PPFIA2: variants seen among roughly 807,000 people sequenced by gnomAD.
PPFIA2 encodes PPFI scaffold protein A2.
Under a neutral mutation model 175.5 loss-of-function variants are expected in PPFIA2, and 46 were observed. The ratio of observed to expected loss-of-function variants is 0.26; its 90% CI spans 0.21 to 0.34. The LOEUF (loss-of-function observed/expected upper bound fraction) is 0.34, where lower values mean the gene tolerates loss of function less well. Among genes scored for constraint, PPFIA2 ranks in the 10% least tolerant of loss-of-function variants. PPFIA2 has a pLI of 1.00. For synonymous variants in PPFIA2, 568 were observed against 511.4 expected (o/e 1.11, Z -1.49); for missense variants, 1,179 against 1,506.1 (o/e 0.78, Z 3.60).
chr12:81,482,852 C>G (rs2058399301), intron 4 of PPFIA2, among the ~76,000 whole-genome samples: 1 of 151,982 alleles, frequency 6.6e-6, no homozygotes, highest in African/African-American at 2.4e-5. Context: ...AACAAACCTG[C>G]AGGTTCTGCA....
rs1425471595 is a variant in PPFIA2, at chr12:81,423,424, T to C, written c.645+16548A>G. ...ATCATGACCAAGAGAGATTTATCTCTGGAATGCAAGGATAGTTTAACATAC... is the reference window on the plus strand; with the variant it reads ...ATCATGACCAAGAGAGATTTATCTCCGGAATGCAAGGATAGTTTAACATAC... On this transcript the variant is annotated intron_variant, in intron 7 of 32. Coordinates refer to ENST00000549396, the MANE Select transcript of PPFIA2 (RefSeq NM_003625.5). Among the ~76,000 whole-genome samples, 3 of 152,274 alleles carry C rather than the reference T, an allele frequency of 2.0e-5. No homozygotes were observed. In the East Asian group the frequency reaches 5.8e-4, roughly 29 times the overall value.
At chr12:81,537,973 G>A (rs1451296372) in intron 4 of PPFIA2, among the ~76,000 whole-genome samples, 1 of 151,858 alleles carries the variant, frequency 6.6e-6, no homozygotes, top group Non-Finnish European at 1.5e-5. Context: ...CTCAAACGTA[G>A]ACTCACATTA....
At chr12:81,562,264 A>C (rs912616613) in intron 4 of PPFIA2, among the ~76,000 whole-genome samples, 38 of 152,206 alleles carry the variant, frequency 2.5e-4, no homozygotes, top group Non-Finnish European at 5.6e-4. Context: ...GTAAGTTATA[A>C]GAAGAATAAA....
At chr12:81,701,282 C>T (rs1237063269) in intron 3 of PPFIA2, among the ~76,000 whole-genome samples, 1 of 152,128 alleles carries the variant, frequency 6.6e-6, no homozygotes, top group Admixed American at 6.6e-5. Context: ...GCTGTAACTG[C>T]TGCTATTACT....
chr12:81,354,240 G>C (rs571558334), intron 16 of PPFIA2, among the ~76,000 whole-genome samples: 3 of 152,240 alleles, frequency 2.0e-5, no homozygotes, highest in African/African-American at 7.2e-5. Context: ...AGATTTCTCT[G>C]TAGCATGGAA....
chr12:81,364,221 G>T lies in PPFIA2; in HGVS notation c.1546-1437C>A, dbSNP rs112617442. On this transcript the variant is annotated intron_variant, in intron 14 of 32. Transcript: ENST00000549396. The stretch of plus-strand genomic sequence containing the variant: ...AGAGGGTAAGGAGTCCAGTGTGGCT[G>T]GATTGCAGAGGTTAAATTGACAAAT... 5.3e-3 allele frequency among the ~76,000 whole-genome samples: 801 copies of T among 151,828 alleles called. 10 individuals are homozygous for T. Among genetic ancestry groups the T allele is most frequent in the African/African-American group, 0.018 (756 of 41,474 alleles).
chr12:81,605,066 C>A (rs1241135248), intron 4 of PPFIA2, among the ~76,000 whole-genome samples: 1 of 151,618 alleles, frequency 6.6e-6, no homozygotes, highest in Admixed American at 6.6e-5. Context: ...ATACTTAGAG[C>A]CTATGCTTTT....
chr12:81,391,657 G>A (rs2040148402), intron 8 of PPFIA2, among the ~76,000 whole-genome samples: 1 of 151,906 alleles, frequency 6.6e-6, no homozygotes, highest in African/African-American at 2.4e-5. Context: ...AATATAGGAT[G>A]TACAGTTAGA....
At chr12:81,664,793 T>C (rs1189785701) in intron 4 of PPFIA2, among the ~76,000 whole-genome samples, 1 of 152,064 alleles carries the variant, frequency 6.6e-6, no homozygotes, top group Non-Finnish European at 1.5e-5. Context: ...AACCCGAATG[T>C]CCAACAATGA....
chr12:81,582,468 G>A (rs1263624372), intron 4 of PPFIA2, among the ~76,000 whole-genome samples: 3 of 151,586 alleles, frequency 2.0e-5, no homozygotes, highest in African/African-American at 7.3e-5. Context: ...TTAAAAATAA[G>A]GCTAATTTTC....
chr12:81,428,953 A>G lies in PPFIA2; in HGVS notation c.645+11019T>C, dbSNP rs564618290. ...TGCAAACACTGTTGTCATTAAACGCATACTGTCATCTGGTAAGTTTAGTCA... is the reference window on the plus strand; with the variant it reads ...TGCAAACACTGTTGTCATTAAACGCGTACTGTCATCTGGTAAGTTTAGTCA... On this transcript the variant is annotated intron_variant, in intron 7 of 32. Transcript: ENST00000549396. 3.3e-5 allele frequency among the ~76,000 whole-genome samples: 5 copies of G among 152,190 alleles called. No homozygotes were observed. The East Asian group carries it at 5.8e-4, about 18-fold the overall frequency.
intron 8 of PPFIA2, among the ~76,000 whole-genome samples, chr12:81,386,886 A>T (rs1469301093): frequency 3.3e-5 from 5 of 152,074 alleles, no homozygotes; most frequent in Admixed American, 2.6e-4. Flanking sequence ...TGTAATGCAA[A>T]TTTTTTTAAT....
chr12:81,400,229 T>C (rs2041887040), intron 8 of PPFIA2, among the ~76,000 whole-genome samples: 1 of 152,172 alleles, frequency 6.6e-6, no homozygotes, highest in South Asian at 2.1e-4. Flanking sequence ...AATAGCATGA[T>C]GGAATGAAAT....
At chr12:81,534,470 T>C (rs936487838) in intron 4 of PPFIA2, among the ~76,000 whole-genome samples, 12 of 151,698 alleles carry the variant, frequency 7.9e-5, no homozygotes, top group African/African-American at 2.2e-4. Flanking sequence ...ACAAATATTA[T>C]GTATCAGGAA....
intron 8 of PPFIA2, among the ~76,000 whole-genome samples, chr12:81,392,520 C>T (rs867387016): frequency 2.0e-5 from 3 of 151,850 alleles, no homozygotes; most frequent in Non-Finnish European, 2.9e-5. Flanking sequence ...TGACTAATAA[C>T]GTCTTTGTAG....
chr12:81,554,807 C>T (rs1028820142), intron 4 of PPFIA2, among the ~76,000 whole-genome samples: 11 of 151,942 alleles, frequency 7.2e-5, no homozygotes, highest in Non-Finnish European at 1.5e-5. Context: ...GAACTAAAAA[C>T]GTATACAGTT....
At chr12:81,731,179 C>A (rs2080852518) in intron 3 of PPFIA2, among the ~76,000 whole-genome samples, 1 of 151,642 alleles carries the variant, frequency 6.6e-6, no homozygotes, top group Non-Finnish European at 1.5e-5. Context: ...GGGTCCTACA[C>A]TGGCTGTTCA....
At chr12:81,751,405 T>A (rs959786368) in intron 3 of PPFIA2, among the ~76,000 whole-genome samples, 1 of 123,778 alleles carries the variant, frequency 8.1e-6, no homozygotes, top group South Asian at 3.1e-4. Flanking sequence ...CATGAGACTA[T>A]TTACAGTCTT....
At chr12:81,570,341 A>G (rs1403009824) in intron 4 of PPFIA2, among the ~76,000 whole-genome samples, 1 of 152,092 alleles carries the variant, frequency 6.6e-6, no homozygotes, top group Non-Finnish European at 1.5e-5. Flanking sequence ...TATTCCTTTG[A>G]AAAATCCACA....
Sources: gnomAD v4.1 joint callset for allele counts (sites outside exome capture counted in the v4.1 genomes callset) on GRCh38, gnomAD v4.1.1 for gene constraint, MANE v1.5 for transcripts, NCBI Gene and HGNC (gene_info 2026-07-23, HGNC 2026-07-21) for gene names.